The following KIAA1328 variants were observed in gnomAD, a reference collection of about 807,000 sequenced individuals.
KIAA1328 encodes the protein KIAA1328.
Under a neutral mutation model 68.1 loss-of-function variants are expected in KIAA1328, and 52 were observed. The observed-to-expected ratio is 0.76, with a 90% CI of 0.61 to 0.96. The LOEUF (loss-of-function observed/expected upper bound fraction) is 0.96. KIAA1328 is among the 40% of genes least tolerant of loss of function. KIAA1328 has a pLI of 0.00. For missense variants in KIAA1328, 641 were observed against 677.6 expected (o/e 0.95, Z 0.60); for synonymous variants, 232 against 239.4 (o/e 0.97, Z 0.28).
At chr18:36,843,542 T>C (rs1238819126) in intron 3 of KIAA1328, among the ~76,000 whole-genome samples, 5 of 152,170 alleles carry the variant, frequency 3.3e-5, no homozygotes, top group Admixed American at 6.5e-5. Flanking sequence ...TAGAATAATA[T>C]GGTGTTTAAA....
At chr18:36,833,615 G>C (rs1291081158) in intron 1 of KIAA1328, among the ~76,000 whole-genome samples, 1 of 152,188 alleles carries the variant, frequency 6.6e-6, no homozygotes, top group Middle Eastern at 3.2e-3. Flanking sequence ...AACATGCACA[G>C]AAGTGACAGA....
intron 7 of KIAA1328, among the ~76,000 whole-genome samples, chr18:37,079,025 G>A (rs1460284469): frequency 6.6e-6 from 1 of 151,432 alleles, no homozygotes; most frequent in African/African-American, 2.4e-5. Flanking sequence ...AAAGACACAT[G>A]CACACGTATG....
At chr18:36,963,784 C>G (rs1221383973) in intron 6 of KIAA1328, among the ~76,000 whole-genome samples, 2 of 152,076 alleles carry the variant, frequency 1.3e-5, no homozygotes, top group Non-Finnish European at 1.5e-5. Flanking sequence ...ATTTTGTAAT[C>G]GTTGTTATAT....
At chr18:36,855,881 A>G (rs554279749) in intron 4 of KIAA1328, among the ~76,000 whole-genome samples, 7 of 151,982 alleles carry the variant, frequency 4.6e-5, no homozygotes, top group African/African-American at 4.8e-5. Context: ...GGCATCCACT[A>G]TCTTTCTTTT....
At chr18:37,176,053 G>A (rs930805607) in intron 9 of KIAA1328, among the ~76,000 whole-genome samples, 1 of 152,126 alleles carries the variant, frequency 6.6e-6, no homozygotes, top group Admixed American at 6.5e-5. Context: ...TCAATATTAT[G>A]TAAAATTTTC....
chr18:37,117,736 G>A (rs1435015181), intron 7 of KIAA1328, among the ~76,000 whole-genome samples: 1 of 151,898 alleles, frequency 6.6e-6, no homozygotes, highest in East Asian at 1.9e-4. Flanking sequence ...CCCAGAAAAG[G>A]ACGCAAAGTC....
intron 7 of KIAA1328, among the ~76,000 whole-genome samples, chr18:37,152,096 TAA>T (rs376117913): frequency 1.9e-3 from 160 of 84,678 alleles, no homozygotes; most frequent in African/African-American, 4.9e-3. Context: ...TGGACCTATG[TAA>T]AAAAAAAAAA....
intron 7 of KIAA1328, among the ~76,000 whole-genome samples, chr18:37,126,847 C>CAA (rs2058403070): frequency 6.6e-6 from 1 of 152,046 alleles, no homozygotes; most frequent in Non-Finnish European, 1.5e-5. Flanking sequence ...GAAAAACCAC[C>CAA]TGATTTGTTT....
At chr18:37,079,830 T>C (rs904816520) in intron 7 of KIAA1328, among the ~76,000 whole-genome samples, 1 of 146,546 alleles carries the variant, frequency 6.8e-6, no homozygotes, top group Non-Finnish European at 1.5e-5. Flanking sequence ...GAGGTTGCAG[T>C]GAGCTGAGAT....
intron 7 of KIAA1328, among the ~76,000 whole-genome samples, chr18:37,128,314 T>A (rs944030762): frequency 5.3e-5 from 8 of 151,838 alleles, no homozygotes; most frequent in Non-Finnish European, 1.2e-4. Context: ...ACTAAAAAAA[T>A]ACCAAAAAGA....
chr18:37,009,079 C>T (rs2053885694), intron 6 of KIAA1328, among the ~76,000 whole-genome samples: 1 of 152,166 alleles, frequency 6.6e-6, no homozygotes, highest in Non-Finnish European at 1.5e-5. Context: ...AATGAGGACA[C>T]ACCTTCTTTT....
intron 4 of KIAA1328, among the ~76,000 whole-genome samples, chr18:36,862,908 G>A (rs1032221119): frequency 3.3e-5 from 5 of 152,026 alleles, no homozygotes; most frequent in Admixed American, 2.0e-4. Context: ...TCTCTAATGG[G>A]CAGTGATGTT....
At chr18:37,137,891 T>A (rs775736626) in intron 7 of KIAA1328, among the ~76,000 whole-genome samples, 10 of 152,164 alleles carry the variant, frequency 6.6e-5, no homozygotes, top group Non-Finnish European at 1.5e-4. Context: ...TATAACTGTG[T>A]GATAATATAA....
chr18:37,134,163 G>A lies in KIAA1328; in HGVS notation c.1233-26037G>A, dbSNP rs548280431. ...CGAGTAGCTGGGATTACAGGCACGC[G>A]CCACCACACCTGGCTAATTTTGTAC... is the stretch of plus-strand genomic sequence containing the variant. On this transcript the variant is annotated intron_variant, in intron 7 of 9. Coordinates refer to ENST00000280020, the MANE Select transcript of KIAA1328 (RefSeq NM_020776.3). Among the ~76,000 whole-genome samples the A allele has an allele frequency of 2.4e-3, 371 of 151,942 alleles. 1 individual carries two copies. The highest frequency in any genetic ancestry group is 8.2e-3 in the African/African-American group (338 of 41,450).
intron 6 of KIAA1328, among the ~76,000 whole-genome samples, chr18:36,978,917 C>A (rs1051994521): frequency 6.6e-6 from 1 of 152,144 alleles, no homozygotes; most frequent in African/African-American, 2.4e-5. Context: ...AATCTCAGCA[C>A]TTTGGAAGGC....
At chr18:37,146,920 T>C (rs2058916107) in intron 7 of KIAA1328, among the ~76,000 whole-genome samples, 1 of 152,160 alleles carries the variant, frequency 6.6e-6, no homozygotes, top group African/African-American at 2.4e-5. Context: ...ATGGAAGGTG[T>C]TTGTGTCATG....
At chr18:37,165,423 T>A (rs1388529652) in intron 8 of KIAA1328, among the ~76,000 whole-genome samples, 1 of 151,558 alleles carries the variant, frequency 6.6e-6, no homozygotes, top group Non-Finnish European at 1.5e-5. Flanking sequence ...ATTTATTTAT[T>A]TACTTATTTT....
chr18:36,893,465 T>TTTGTGTGTG (rs1556812093), intron 5 of KIAA1328, among the ~76,000 whole-genome samples: 12,024 of 120,420 alleles, frequency 0.1, 825 homozygotes, highest in Non-Finnish European at 0.14. Context: ...GTGTGTGTTT[T>TTTGTGTGTG]TGTGTGTGTG....
chr18:36,890,239 T>TA (rs1228048316), intron 5 of KIAA1328, among the ~76,000 whole-genome samples: 88 of 140,436 alleles, frequency 6.3e-4, no homozygotes, highest in African/African-American at 2.8e-4. Context: ...TTTTTTTTTT[T>TA]AAAAAAAAAG....
Sources: gnomAD v4.1 joint callset for allele counts (sites outside exome capture counted in the v4.1 genomes callset) on GRCh38, gnomAD v4.1.1 for gene constraint, MANE v1.5 for transcripts, NCBI Gene and HGNC (gene_info 2026-07-23, HGNC 2026-07-21) for gene names.